Variants in BRINP3 observed in about 807,000 individuals in gnomAD.
BRINP3 encodes the protein BMP/retinoic acid-inducible neural-specific protein 3.
BRINP3 carries 19 observed loss-of-function variants against 71.0 expected under a neutral mutation model. That is an observed-to-expected ratio of 0.27 (90% confidence interval 0.19 to 0.39). BRINP3 has a LOEUF of 0.39. BRINP3 is among the 10% of genes least tolerant of loss of function. The pLI, the probability that BRINP3 is intolerant of heterozygous loss-of-function variation, is 1.00. For synonymous variants in BRINP3, 380 were observed against 337.7 expected (o/e 1.13, Z -1.37); for missense variants, 959 against 940.8 (o/e 1.02, Z -0.25).
At chr1:190,400,350 A>G (rs909306963) in intron 2 of BRINP3, among the ~76,000 whole-genome samples, 3 of 152,194 alleles carry the variant, frequency 2.0e-5, no homozygotes, top group African/African-American at 7.2e-5. Flanking sequence ...AGACAATGTC[A>G]AAGTATTTTA....
intron 2 of BRINP3, among the ~76,000 whole-genome samples, chr1:190,416,658 T>G (rs1673022572): frequency 6.6e-6 from 1 of 152,180 alleles, no homozygotes; most frequent in Non-Finnish European, 1.5e-5. Flanking sequence ...ATGTAAGCAT[T>G]TATTCAGCAT....
chr1:190,176,666 T>G (rs1250662309), intron 6 of BRINP3, among the ~76,000 whole-genome samples: 1 of 152,164 alleles, frequency 6.6e-6, no homozygotes, highest in African/African-American at 2.4e-5. Context: ...ATCTGCTACA[T>G]TTCTTTACCT....
Position 190,204,011 on chromosome 1 carries a change from A to G in BRINP3, c.961+22071T>C, listed in dbSNP as rs1318679851. Among the ~76,000 whole-genome samples the G allele has an allele frequency of 1.3e-5, 2 of 151,436 alleles. 1 individual carries two copies. Among genetic ancestry groups the G allele is most frequent in the Non-Finnish European group, 3.0e-5 (2 of 67,734 alleles). On this transcript the variant is annotated intron_variant, in intron 6 of 7. Transcript: ENST00000367462. ...GATATTTACAGTTGTAAATTTCATT[A>G]TATGATACCAATTCTTCTAAAAATT...
chr1:190,251,676 A>G (rs960113597), intron 4 of BRINP3, among the ~76,000 whole-genome samples: 4 of 152,040 alleles, frequency 2.6e-5, no homozygotes, highest in African/African-American at 9.7e-5. Flanking sequence ...ATATCTAATA[A>G]TGACTGTGTA....
At chr1:190,308,999 T>A (rs1406545958) in intron 2 of BRINP3, among the ~76,000 whole-genome samples, 1 of 151,930 alleles carries the variant, frequency 6.6e-6, no homozygotes, top group African/African-American at 2.4e-5. Flanking sequence ...TATACCCATG[T>A]TCATAGCAGC....
chr1:190,460,729 A>G (rs1676334445), intron 1 of BRINP3, among the ~76,000 whole-genome samples: 1 of 152,188 alleles, frequency 6.6e-6, no homozygotes, highest in South Asian at 2.1e-4. Context: ...GTCAAGGAAA[A>G]CTAAACGTTC....
At chr1:190,233,210 T>C (rs1658171310) in intron 5 of BRINP3, among the ~76,000 whole-genome samples, 1 of 152,090 alleles carries the variant, frequency 6.6e-6, no homozygotes, top group Non-Finnish European at 1.5e-5. Context: ...ATGTGCGGTG[T>C]GGACAGCGAT....
At chr1:190,303,247 A>G (rs1052138251) in intron 2 of BRINP3, among the ~76,000 whole-genome samples, 2 of 151,836 alleles carry the variant, frequency 1.3e-5, no homozygotes, top group African/African-American at 4.8e-5. Flanking sequence ...ATCAATGTAA[A>G]CATAAATTAA....
intron 2 of BRINP3, among the ~76,000 whole-genome samples, chr1:190,354,948 C>A (rs1231212148): frequency 6.6e-6 from 1 of 151,594 alleles, no homozygotes; most frequent in African/African-American, 2.4e-5. Flanking sequence ...TTTGAGGCTC[C>A]ATATATTTGG....
At chr1:190,123,410 T>C (rs1172777568) in intron 7 of BRINP3, among the ~76,000 whole-genome samples, 2 of 152,134 alleles carry the variant, frequency 1.3e-5, no homozygotes, top group African/African-American at 2.4e-5. Flanking sequence ...TGAAAAGCAA[T>C]ACACTAAAAT....
At chr1:190,351,756 G>A (rs1023353382) in intron 2 of BRINP3, among the ~76,000 whole-genome samples, 21 of 152,094 alleles carry the variant, frequency 1.4e-4, no homozygotes, top group Admixed American at 4.6e-4. Context: ...AATTTCTTAT[G>A]ATACAGATAT....
At chr1:190,392,961 A>T (rs1055308506) in intron 2 of BRINP3, among the ~76,000 whole-genome samples, 2 of 151,666 alleles carry the variant, frequency 1.3e-5, no homozygotes, top group African/African-American at 2.4e-5. Flanking sequence ...GCCAGACTTG[A>T]ATCAAATTAT....
At chr1:190,243,912 T>C (rs189429514) in intron 4 of BRINP3, among the ~76,000 whole-genome samples, 1 of 152,266 alleles carries the variant, frequency 6.6e-6, no homozygotes, top group Non-Finnish European at 1.5e-5. Context: ...CTGATTTTAC[T>C]TTTTAATCTT....
chr1:190,234,949 T>G (rs979175714), intron 4 of BRINP3, among the ~76,000 whole-genome samples: 1 of 152,266 alleles, frequency 6.6e-6, no homozygotes, highest in East Asian at 1.9e-4. Flanking sequence ...CATGAAATTC[T>G]AAACTCTCTG....
chr1:190,156,685 G>A (rs1021658743), intron 7 of BRINP3, among the ~76,000 whole-genome samples: 5 of 151,666 alleles, frequency 3.3e-5, no homozygotes, highest in Non-Finnish European at 5.9e-5. Flanking sequence ...TTGTGTGTGT[G>A]GTGACTAATA....
intron 6 of BRINP3, among the ~76,000 whole-genome samples, chr1:190,177,985 T>C (rs1158180613): frequency 6.6e-6 from 1 of 152,196 alleles, no homozygotes; most frequent in Non-Finnish European, 1.5e-5. Context: ...TTAAGTATTA[T>C]AAATAATCTA....
intron 6 of BRINP3, among the ~76,000 whole-genome samples, chr1:190,210,860 G>T (rs910562621): frequency 9.2e-5 from 14 of 152,176 alleles, no homozygotes; most frequent in Admixed American, 8.5e-4. Flanking sequence ...GCCCTGCATG[G>T]CTAGAATAAA....
At chr1:190,296,447 A>G (rs905240874) in intron 2 of BRINP3, among the ~76,000 whole-genome samples, 6 of 152,078 alleles carry the variant, frequency 3.9e-5, no homozygotes, top group African/African-American at 1.4e-4. Flanking sequence ...ATATATGACA[A>G]TCCTACAGCT....
chr1:190,268,441 A>T (rs1661834451), intron 3 of BRINP3, among the ~76,000 whole-genome samples: 1 of 152,072 alleles, frequency 6.6e-6, no homozygotes, highest in Non-Finnish European at 1.5e-5. Context: ...CTAAGCATAA[A>T]AGCCAGCAAC....
Sources: allele counts gnomAD v4.1 joint callset (sites outside exome capture counted in the v4.1 genomes callset), GRCh38; gene constraint gnomAD v4.1.1; transcripts MANE v1.5; gene names NCBI Gene and HGNC (gene_info 2026-07-23, HGNC 2026-07-21).